The following NKAIN2 variants were observed in gnomAD, a reference collection of about 807,000 sequenced individuals.
NKAIN2 encodes the protein sodium/potassium transporting ATPase interacting 2.
Under a neutral mutation model 32.6 loss-of-function variants are expected in NKAIN2, and 14 were observed. That is an observed-to-expected ratio of 0.43 (90% confidence interval 0.28 to 0.67). The LOEUF (loss-of-function observed/expected upper bound fraction) is 0.67. Among genes scored for constraint, NKAIN2 ranks in the 30% least tolerant of loss-of-function variants. The pLI is 0.17. For synonymous variants in NKAIN2, 80 were observed against 87.2 expected, an observed-to-expected ratio of 0.92 and a Z score of 0.46; for missense variants, 198 against 258.3, an observed-to-expected ratio of 0.77 and a Z score of 1.60.
intron 1 of NKAIN2, among the ~76,000 whole-genome samples, chr6:123,977,020 C>T (rs1013016468): frequency 5.3e-5 from 8 of 152,048 alleles, no homozygotes; most frequent in Non-Finnish European, 8.8e-5. Context: ...ATTAATAGTC[C>T]GCTTATTGCC....
intron 3 of NKAIN2, among the ~76,000 whole-genome samples, chr6:124,578,400 T>C (rs755435170): frequency 1.3e-5 from 2 of 152,120 alleles, no homozygotes; most frequent in Non-Finnish European, 2.9e-5. Flanking sequence ...TAAAGAGCCC[T>C]TGGGCCTTGA....
intron 3 of NKAIN2, among the ~76,000 whole-genome samples, chr6:124,595,144 A>G (rs1583491364): frequency 6.6e-6 from 1 of 152,252 alleles, no homozygotes; most frequent in Non-Finnish European, 1.5e-5. Context: ...ATTAGAAATC[A>G]TGAATTCCTG....
chr6:124,119,052 A>C (rs1044303712), intron 1 of NKAIN2, among the ~76,000 whole-genome samples: 4 of 152,192 alleles, frequency 2.6e-5, no homozygotes, highest in Non-Finnish European at 5.9e-5. Context: ...TTTTTAATAA[A>C]TATTTGAAAA....
intron 3 of NKAIN2, among the ~76,000 whole-genome samples, chr6:124,450,177 TCA>T (rs779963626): frequency 5.9e-5 from 9 of 152,104 alleles, no homozygotes; most frequent in Non-Finnish European, 1.0e-4. Flanking sequence ...ATCCCCATTA[TCA>T]CATTTCTCAA....
chr6:124,386,441 T>C (rs775027639), intron 3 of NKAIN2, among the ~76,000 whole-genome samples: 5 of 152,186 alleles, frequency 3.3e-5, no homozygotes, highest in Non-Finnish European at 7.3e-5. Flanking sequence ...ATTGCTCTGA[T>C]TGTGCTTTGC....
intron 3 of NKAIN2, among the ~76,000 whole-genome samples, chr6:124,464,556 A>G (rs988272856): frequency 6.6e-6 from 1 of 151,910 alleles, no homozygotes; most frequent in African/African-American, 2.4e-5. Context: ...ATGTTATAGT[A>G]TACATGCCAT....
At chr6:124,355,684 G>T (rs935948759) in intron 3 of NKAIN2, among the ~76,000 whole-genome samples, 1 of 152,040 alleles carries the variant, frequency 6.6e-6, no homozygotes, top group African/African-American at 2.4e-5. Flanking sequence ...CACTTAGTTT[G>T]CTTATAACTC....
At chr6:124,806,805 A>C (rs558509644) in intron 5 of NKAIN2, among the ~76,000 whole-genome samples, 1 of 151,620 alleles carries the variant, frequency 6.6e-6, no homozygotes, top group Non-Finnish European at 1.5e-5. Context: ...TCTACCAAGC[A>C]AATGGAAAAC....
intron 4 of NKAIN2, among the ~76,000 whole-genome samples, chr6:124,687,373 A>G (rs1773980894): frequency 8.4e-6 from 1 of 118,986 alleles, no homozygotes; most frequent in African/African-American, 3.2e-5. Flanking sequence ...ACATACACAT[A>G]CATGGAATAT....
intron 4 of NKAIN2, among the ~76,000 whole-genome samples, chr6:124,667,810 G>T (rs2114463042): frequency 6.6e-6 from 1 of 152,084 alleles, no homozygotes; most frequent in South Asian, 2.1e-4. Flanking sequence ...GAGGGAAAAA[G>T]AATTTAAAAT....
intron 1 of NKAIN2, among the ~76,000 whole-genome samples, chr6:124,087,389 T>C (rs1452502611): frequency 6.6e-6 from 1 of 151,650 alleles, no homozygotes; most frequent in Non-Finnish European, 1.5e-5. Context: ...TCTCTCACCA[T>C]CTCTTTTCAA....
Position 123,940,702 on chromosome 6 carries a change from T to C in NKAIN2, c.54+136448T>C, listed in dbSNP as rs35792401. Among the ~76,000 whole-genome samples the C allele has an allele frequency of 4.6e-3, 700 of 152,112 alleles. 2 individuals are homozygous for C. Among genetic ancestry groups the C allele is most frequent in the Non-Finnish European group, 8.1e-3 (549 of 67,960 alleles). ...TAAAATGGTACATCTGTATAGAGCA[T>C]TTGCCATGAATGGAGCTTGTAGGAC... On this transcript the variant is annotated intron_variant, in intron 1 of 6. Transcript: ENST00000368417.
intron 3 of NKAIN2, among the ~76,000 whole-genome samples, chr6:124,578,644 C>T (rs1781415780): frequency 6.6e-6 from 1 of 152,092 alleles, no homozygotes. Flanking sequence ...CCAGGGGCAA[C>T]TCATCACCCT....
chr6:124,219,283 CT>C (rs5879720), intron 1 of NKAIN2, among the ~76,000 whole-genome samples: 94,814 of 128,716 alleles, frequency 0.74, 33,889 homozygotes, highest in South Asian at 0.8. Context: ...TTCTTTTTTT[CT>C]TTTTTTTTTT....
At chr6:124,350,925 G>A (rs1798696636) in intron 2 of NKAIN2, among the ~76,000 whole-genome samples, 1 of 152,082 alleles carries the variant, frequency 6.6e-6, no homozygotes, top group South Asian at 2.1e-4. Context: ...GGAATTCAAG[G>A]CTGCAGTGAG....
chr6:124,722,271 A>G (rs568661205), intron 4 of NKAIN2, among the ~76,000 whole-genome samples: 25 of 152,366 alleles, frequency 1.6e-4, no homozygotes, highest in African/African-American at 5.8e-4. Flanking sequence ...TAATGCTTCT[A>G]TGAACATGGG....
intron 3 of NKAIN2, among the ~76,000 whole-genome samples, chr6:124,456,464 G>A (rs939690785): frequency 6.6e-6 from 1 of 151,892 alleles, no homozygotes; most frequent in Non-Finnish European, 1.5e-5. Flanking sequence ...TTTTAGGTAT[G>A]AAGACCACCG....
At chr6:124,662,431 T>C (rs761161840) in intron 4 of NKAIN2, among the ~76,000 whole-genome samples, 1 of 152,176 alleles carries the variant, frequency 6.6e-6, no homozygotes, top group Non-Finnish European at 1.5e-5. Flanking sequence ...GGTACCTGGT[T>C]CATAGCTAAA....
At chr6:124,009,885 A>G (rs531863775) in intron 1 of NKAIN2, among the ~76,000 whole-genome samples, 3 of 152,232 alleles carry the variant, frequency 2.0e-5, no homozygotes, top group African/African-American at 7.2e-5. Flanking sequence ...ATGCGTATGT[A>G]TATGTGTATA....
Sources: allele counts gnomAD v4.1 joint callset (sites outside exome capture counted in the v4.1 genomes callset), GRCh38; gene constraint gnomAD v4.1.1; transcripts MANE v1.5; gene names NCBI Gene and HGNC (gene_info 2026-07-23, HGNC 2026-07-21).